THSD7B: variants seen among roughly 807,000 people sequenced by gnomAD.
THSD7B encodes thrombospondin type 1 domain containing 7B, also known as thrombospondin type-1 domain-containing protein 7B.
Under a neutral mutation model 213.6 loss-of-function variants are expected in THSD7B, and 138 were observed. The observed-to-expected ratio is 0.65, with a 90% CI of 0.56 to 0.74. The LOEUF (loss-of-function observed/expected upper bound fraction) is 0.74. THSD7B is among the 30% of genes least tolerant of loss of function. The pLI, the probability that THSD7B is intolerant of heterozygous loss-of-function variation, is 0.00. For synonymous variants in THSD7B, 742 were observed against 687.0 expected (o/e 1.08, Z -1.25); for missense variants, 1,931 against 1,991.5 (o/e 0.97, Z 0.58).
intron 4 of THSD7B, among the ~76,000 whole-genome samples, chr2:137,102,192 G>A (rs1688164079): frequency 6.6e-6 from 1 of 152,226 alleles, no homozygotes; most frequent in South Asian, 2.1e-4. Flanking sequence ...TCCAGAGGAA[G>A]GAACAGGCAG....
chr2:137,542,346 C>G (rs986263795), intron 15 of THSD7B, among the ~76,000 whole-genome samples: 12 of 151,548 alleles, frequency 7.9e-5, no homozygotes, highest in African/African-American at 2.2e-4. Context: ...ACATATCCAG[C>G]AAAGTATTCT....
intron 15 of THSD7B, among the ~76,000 whole-genome samples, chr2:137,559,826 G>A (rs1681069761): frequency 6.6e-6 from 1 of 152,086 alleles, no homozygotes; most frequent in African/African-American, 2.4e-5. Context: ...CTGACAAAGG[G>A]CTAATATCCA....
intron 3 of THSD7B, among the ~76,000 whole-genome samples, chr2:137,069,246 T>C (rs10928593): frequency 0.094 from 14,317 of 152,146 alleles, 753 homozygotes; most frequent in East Asian, 0.18. Flanking sequence ...GATGCTATTA[T>C]TGACTTTTTA....
intron 2 of THSD7B, among the ~76,000 whole-genome samples, chr2:136,963,457 A>G (rs1180574416): frequency 3.3e-5 from 5 of 152,180 alleles, no homozygotes; most frequent in Admixed American, 2.0e-4. Flanking sequence ...AACCTGGGCA[A>G]CATAGTGAGA....
chr2:136,939,370 C>T (rs548551668), intron 2 of THSD7B, among the ~76,000 whole-genome samples: 52 of 152,224 alleles, frequency 3.4e-4, no homozygotes, highest in Middle Eastern at 3.4e-3. Context: ...TAACCTTCCC[C>T]GAAACACAAA....
intron 7 of THSD7B, among the ~76,000 whole-genome samples, chr2:137,180,399 A>G (rs964146541): frequency 6.6e-6 from 1 of 152,166 alleles, no homozygotes. Flanking sequence ...TGATTCAGTT[A>G]TCAATGCCTT....
At chr2:137,331,210 T>C (rs908649523) in intron 12 of THSD7B, among the ~76,000 whole-genome samples, 2 of 132,832 alleles carry the variant, frequency 1.5e-5, no homozygotes, top group East Asian at 4.2e-4. Context: ...GTATTTACAA[T>C]CCCAGAGCTA....
chr2:137,282,186 G>A (rs544843528), intron 12 of THSD7B, among the ~76,000 whole-genome samples: 2,926 of 151,920 alleles, frequency 0.019, 93 homozygotes, highest in African/African-American at 0.067. Context: ...GTGTTTTTTG[G>A]CTGCATAAAT....
At chr2:137,454,929 G>A (rs1435763296) in intron 15 of THSD7B, among the ~76,000 whole-genome samples, 3 of 152,074 alleles carry the variant, frequency 2.0e-5, no homozygotes, top group Non-Finnish European at 1.5e-5. Context: ...AAATTATAAC[G>A]TTAAGAGAGG....
chr2:137,299,487 C>CA (rs35146960), intron 12 of THSD7B, among the ~76,000 whole-genome samples: 95,622 of 151,682 alleles, frequency 0.63, 30,740 homozygotes, highest in East Asian at 0.94. Context: ...TGGGAGGGGC[C>CA]GGGGTGGAGT....
intron 2 of THSD7B, among the ~76,000 whole-genome samples, chr2:137,027,669 C>T (rs1396752202): frequency 6.6e-6 from 1 of 152,132 alleles, no homozygotes; most frequent in African/African-American, 2.4e-5. Context: ...TTCTGTCTAT[C>T]CTGATTAAAA....
chr2:137,151,976 C>T (rs984351114), intron 5 of THSD7B, among the ~76,000 whole-genome samples: 1 of 150,370 alleles, frequency 6.7e-6, no homozygotes, highest in African/African-American at 2.4e-5. Context: ...ACCCGGTTGC[C>T]ACTCCTTCCC....
intron 5 of THSD7B, among the ~76,000 whole-genome samples, chr2:137,124,112 G>A (rs78670217): frequency 6.6e-5 from 10 of 152,236 alleles, no homozygotes; most frequent in Admixed American, 5.9e-4. Context: ...TTCTTTTTCT[G>A]AGAGTAGAAG....
At chr2:137,165,102 G>A (rs1044850006) in intron 6 of THSD7B, among the ~76,000 whole-genome samples, 3 of 152,196 alleles carry the variant, frequency 2.0e-5, no homozygotes, top group Non-Finnish European at 4.4e-5. Flanking sequence ...CCTGAAGGTG[G>A]TACTGTCCCC....
chr2:136,833,386 A>AAAAAAAAAG (rs397968200), intron 1 of THSD7B, among the ~76,000 whole-genome samples: 1 of 128,448 alleles, frequency 7.8e-6, no homozygotes. Flanking sequence ...AAAAAAAAAA[A>AAAAAAAAAG]GAGAGAGAGA....
chr2:137,470,725 A>G (rs150402116), intron 15 of THSD7B, among the ~76,000 whole-genome samples: 30 of 152,254 alleles, frequency 2.0e-4, no homozygotes, highest in African/African-American at 6.7e-4. Flanking sequence ...TTAGTTGTCA[A>G]GATTTTAAAA....
intron 12 of THSD7B, among the ~76,000 whole-genome samples, chr2:137,389,238 T>TATATGACAAAATAATATATATATAG (rs966579222): frequency 7.1e-6 from 1 of 140,792 alleles, no homozygotes; most frequent in African/African-American, 2.7e-5. Context: ...TATATATATA[T>TATATGACAAAATAATATATATATAG]AGAGAGAGTT....
In THSD7B at chr2:136,868,015, A is replaced by G. The variant is rs58986714; in HGVS notation, c.-35-14129A>G. On this transcript the variant is annotated intron_variant, in intron 1 of 27. Transcript: ENST00000409968. ...GAATGAATGAATGGCTGTTTTTAAG[A>G]TGGGAAGTGGTAAATGAAATATACT... Among the ~76,000 whole-genome samples the G allele has an allele frequency of 9.1e-3, 1,383 of 152,216 alleles. 29 individuals carry two copies. Among genetic ancestry groups the G allele is most frequent in the African/African-American group, 0.032 (1,327 of 41,548 alleles).
chr2:137,572,685 G>A, intron 17 of THSD7B, 129 bp downstream of exon 17: 4 of 1,185,496 alleles, frequency 3.4e-6, no homozygotes, highest in Middle Eastern at 2.4e-4. Flanking sequence ...TTTTCTTTTT[G>A]AGAAATCCAA....
Sources: allele counts gnomAD v4.1 joint callset (sites outside exome capture counted in the v4.1 genomes callset), GRCh38; gene constraint gnomAD v4.1.1; transcripts MANE v1.5; gene names NCBI Gene and HGNC (gene_info 2026-07-23, HGNC 2026-07-21).